PPIL4: variants seen among roughly 807,000 people sequenced by gnomAD.
PPIL4 encodes peptidylprolyl isomerase like 4, also known as peptidyl-prolyl cis-trans isomerase-like 4.
A neutral mutation model predicts 69.1 loss-of-function variants in PPIL4; 50 were observed. The observed-to-expected ratio is 0.72, with a 90% CI of 0.58 to 0.92. The LOEUF (loss-of-function observed/expected upper bound fraction) is 0.92, where lower values mean the gene tolerates loss of function less well. Among genes scored for constraint, PPIL4 ranks in the 40% least tolerant of loss-of-function variants. PPIL4 has a pLI of 0.00. For missense variants in PPIL4, 480 were observed against 587.9 expected, an observed-to-expected ratio of 0.82 and a Z score of 1.90; for synonymous variants, 193 against 191.6, an observed-to-expected ratio of 1.01 and a Z score of -0.06.
intron 9 of PPIL4, among the ~76,000 whole-genome samples, chr6:149,523,583 T>C (rs886983240): frequency 1.3e-5 from 2 of 151,580 alleles, no homozygotes; most frequent in Non-Finnish European, 2.9e-5. Flanking sequence ...CCCAGCTACT[T>C]GGGATGCTGA....
intron 5 of PPIL4, among the ~76,000 whole-genome samples, chr6:149,535,228 C>T (rs1488636992): frequency 1.3e-5 from 2 of 152,012 alleles, no homozygotes; most frequent in Non-Finnish European, 2.9e-5. Context: ...TGGTGGCGGG[C>T]GCCTGTAGTC....
intron 11 of PPIL4, among the ~76,000 whole-genome samples, chr6:149,514,389 T>C (rs551845432): frequency 2.0e-3 from 299 of 152,316 alleles, no homozygotes; most frequent in South Asian, 3.9e-3. Flanking sequence ...TGGCCTGATC[T>C]TGGCTCCCTG....
intron 4 of PPIL4, among the ~76,000 whole-genome samples, chr6:149,536,558 T>C (rs999452274): frequency 3.3e-5 from 5 of 152,048 alleles, no homozygotes; most frequent in African/African-American, 1.2e-4. Context: ...GTAATCTACA[T>C]AGGTCAAACC....
chr6:149,541,633 A>G (rs375089834), intron 1 of PPIL4, 47 bp from the exon 2 acceptor site: 20 of 1,031,876 alleles, frequency 1.9e-5, no homozygotes, highest in Non-Finnish European at 2.9e-5. Context: ...CCACAAACAC[A>G]TTTTTAAATA....
At chr6:149,532,873 T>C (rs1777220489) in intron 7 of PPIL4, among the ~76,000 whole-genome samples, 1 of 152,228 alleles carries the variant, frequency 6.6e-6, no homozygotes, top group Admixed American at 6.5e-5. Flanking sequence ...AGTTCTATTA[T>C]ATAAAATAGT....
At chr6:149,508,887 A>C (rs1013224577) in intron 12 of PPIL4, among the ~76,000 whole-genome samples, 2 of 152,242 alleles carry the variant, frequency 1.3e-5, no homozygotes, top group African/African-American at 2.4e-5. Context: ...TTGGGAAACC[A>C]GACTCACTAA....
rs1413197367 is a variant in PPIL4 at position 149,541,005 on chromosome 6, A to C, written c.258T>G (p.Ile86Met). 1 of 1,612,736 alleles carries C rather than the reference A, an allele frequency of 6.2e-7. No homozygotes were observed. The highest frequency in any genetic ancestry group is 8.5e-7 in the Non-Finnish European group (1 of 1,179,134). Residue 86 changes from isoleucine (I) to methionine (M), a missense_variant, in exon 4 of 13, where the codon ATT (isoleucine) becomes ATG (methionine). By Grantham distance (10) the Ile-to-Met change is conservative (BLOSUM62 1). Transcript: ENST00000253329. ...ACACTGTGCCTTTCTTCTTGTGCTT[A>C]ATTCTTGGGACTTTTTCTGCCTCAA... ...SFFEAEKVPR[I>M]KHKKKGTVSM... is the part of the protein sequence containing the mutation.
At chr6:149,536,063 C>T (rs2115038541) in intron 4 of PPIL4, among the ~76,000 whole-genome samples, 1 of 152,336 alleles carries the variant, frequency 6.6e-6, no homozygotes, top group East Asian at 1.9e-4. Flanking sequence ...CACAAGATTT[C>T]AAACTTTTTC....
intron 11 of PPIL4, among the ~76,000 whole-genome samples, chr6:149,516,750 G>A (rs1319648350): frequency 6.6e-6 from 1 of 152,082 alleles, no homozygotes; most frequent in East Asian, 1.9e-4. Context: ...CTCAGTAGAA[G>A]CCCAATAAAT....
chr6:149,526,427 G>A (rs575936019), intron 8 of PPIL4, among the ~76,000 whole-genome samples: 1 of 152,156 alleles, frequency 6.6e-6, no homozygotes, highest in Admixed American at 6.5e-5. Context: ...AATGTGTTGA[G>A]AGTGGGAGAT....
intron 7 of PPIL4, among the ~76,000 whole-genome samples, chr6:149,532,592 A>G (rs1020168173): frequency 1.3e-5 from 2 of 152,204 alleles, no homozygotes; most frequent in Non-Finnish European, 2.9e-5. Flanking sequence ...GTTCATTCAG[A>G]CAGTTGATGG....
At chr6:149,507,513 A>G (rs1776786552) in intron 12 of PPIL4, among the ~76,000 whole-genome samples, 1 of 152,216 alleles carries the variant, frequency 6.6e-6, no homozygotes. Context: ...TTCATATACT[A>G]TTATATCTGT....
At chr6:149,536,190 T>C (rs919402195) in intron 4 of PPIL4, among the ~76,000 whole-genome samples, 3 of 152,234 alleles carry the variant, frequency 2.0e-5, no homozygotes, top group African/African-American at 7.2e-5. Flanking sequence ...AAATGTTGTA[T>C]GTGTTCTGAC....
chr6:149,543,560 T>A (rs541536316), intron 1 of PPIL4, among the ~76,000 whole-genome samples: 9 of 152,324 alleles, frequency 5.9e-5, no homozygotes, highest in Non-Finnish European at 1.3e-4. Context: ...CAAAGTGTGA[T>A]AAGATCTGTG....
At chr6:149,516,979 T>C (rs367794260) in intron 11 of PPIL4, 1 of 156,550 alleles carries the variant, frequency 6.4e-6, no homozygotes, top group Non-Finnish European at 1.4e-5. Flanking sequence ...CTTTTAGAAT[T>C]TGTCTAGTAG....
intron 6 of PPIL4, among the ~76,000 whole-genome samples, chr6:149,534,317 G>C (rs150545370): frequency 6.6e-6 from 1 of 152,174 alleles, no homozygotes; most frequent in Non-Finnish European, 1.5e-5. Context: ...AACAGTCTGC[G>C]CTGTTTCACA....
In PPIL4 at chr6:149,504,650, T is replaced by C. The variant is rs1776738175; in HGVS notation, c.*803A>G. ...TAACATCCACTAGGTTGGCAAATTT[T>C]TAAGTCTGAACTTAAGTGTTGGAGA... On this transcript the variant is annotated 3_prime_UTR_variant, in exon 13 of 13. Transcript: ENST00000253329. 6.6e-6 allele frequency: 1 copy of C among 152,230 alleles called. No homozygotes were observed. The highest frequency in any genetic ancestry group is 2.4e-5 in the African/African-American group (1 of 41,458). The allele number at this position is 152,230 out of a possible 1,614,324, so 9.4% of individuals were successfully genotyped here.
intron 9 of PPIL4, among the ~76,000 whole-genome samples, chr6:149,524,706 C>G (rs751786761): frequency 2.0e-5 from 3 of 152,066 alleles, no homozygotes; most frequent in African/African-American, 4.8e-5. Flanking sequence ...TCAAGACCAG[C>G]CTGGCCAATA....
rs1777249271 is a variant in PPIL4 at position 149,534,777 on chromosome 6, T to C, written c.465-3A>G. ...CTAAAATCACCGTATGATTTATCCT[T>C]ACAAAATAAATCCAAATCAAATGTT... On this transcript the variant is annotated splice_region_variant and splice_polypyrimidine_tract_variant and intron_variant, in intron 5 of 12. Transcript: ENST00000253329. 6 of 1,465,700 alleles carry C rather than the reference T, an allele frequency of 4.1e-6. No individual in the cohort carries two copies. The highest frequency in any genetic ancestry group is 1.4e-5 in the African/African-American group (1 of 70,886). 90.8% of individuals were successfully genotyped at this position (1,465,700 alleles called of 1,614,324 possible).
Sources: allele counts gnomAD v4.1 joint callset (sites outside exome capture counted in the v4.1 genomes callset), GRCh38; gene constraint gnomAD v4.1.1; transcripts MANE v1.5; gene names NCBI Gene and HGNC (gene_info 2026-07-23, HGNC 2026-07-21).